SLC9C1: variants seen among roughly 807,000 people sequenced by gnomAD.
The protein encoded by SLC9C1 is sodium/hydrogen exchanger 10.
Under a neutral mutation model 140.9 loss-of-function variants are expected in SLC9C1, and 97 were observed. The observed-to-expected ratio is 0.69, with a 90% confidence interval of 0.58 to 0.82. The LOEUF is 0.82. Ranked by LOEUF, SLC9C1 falls within the 40% of genes least tolerant of loss-of-function variation. SLC9C1 has a pLI of 0.00. For synonymous variants in SLC9C1, 440 were observed against 442.6 expected, an observed-to-expected ratio of 0.99 and a Z score of 0.07; for missense variants, 1,340 against 1,389.3, an observed-to-expected ratio of 0.96 and a Z score of 0.56.
intron 28 of SLC9C1, among the ~76,000 whole-genome samples, chr3:112,142,271 CA>C (rs1405355022): frequency 6.6e-6 from 1 of 152,092 alleles, no homozygotes; most frequent in East Asian, 1.9e-4. Flanking sequence ...ATTAAAAAAG[CA>C]AATGTTAATA....
chr3:112,208,313 TC>T lies in SLC9C1; in HGVS notation c.1850del (p.Gly617AspfsTer4). On this transcript the variant is annotated frameshift_variant, in exon 16 of 29. Coordinates refer to ENST00000305815, the MANE Select transcript of SLC9C1 (RefSeq NM_183061.3). LOFTEE classifies it high-confidence loss of function. ...ATATATTCATTAATATCACAAGGTA[TC>T]CAACATGTTCAAATTCCTCAGTAAA... ...IVFTEEFEHV[G>X]YLVILMNIFP... The T allele has an allele frequency of 6.2e-7, 1 of 1,607,472 alleles. No homozygotes were observed. Among genetic ancestry groups the T allele is most frequent in the Non-Finnish European group, 8.5e-7 (1 of 1,176,430 alleles).
intron 20 of SLC9C1, among the ~76,000 whole-genome samples, chr3:112,196,335 A>G (rs1290609128): frequency 6.6e-6 from 1 of 152,010 alleles, no homozygotes; most frequent in South Asian, 2.1e-4. Context: ...TTTGTCTTTT[A>G]ACAGTTTGAT....
At chr3:112,242,144 ATAGAG>A (rs1379912095) in intron 11 of SLC9C1, among the ~76,000 whole-genome samples, 3 of 152,198 alleles carry the variant, frequency 2.0e-5, no homozygotes, top group Non-Finnish European at 4.4e-5. Flanking sequence ...GAAACTATTA[ATAGAG>A]TAAACAGACA....
intron 14 of SLC9C1, among the ~76,000 whole-genome samples, chr3:112,220,468 C>A (rs555446697): frequency 2.0e-5 from 3 of 152,244 alleles, no homozygotes; most frequent in African/African-American, 7.2e-5. Flanking sequence ...AAGCTTAGGA[C>A]AATTTAAGCA....
intron 20 of SLC9C1, chr3:112,186,085 A>C: frequency 1.0e-6 from 1 of 998,432 alleles, no homozygotes; most frequent in Non-Finnish European, 1.4e-6. Context: ...CCATTAAAAA[A>C]TGAACTTTCT....
chr3:112,152,667 T>C (rs762843317), intron 27 of SLC9C1, among the ~76,000 whole-genome samples: 1 of 152,138 alleles, frequency 6.6e-6, no homozygotes, highest in Non-Finnish European at 1.5e-5. Flanking sequence ...CCTTGGACAA[T>C]ACCCAGGCTT....
intron 10 of SLC9C1, among the ~76,000 whole-genome samples, chr3:112,251,324 C>G (rs2079450714): frequency 6.6e-6 from 1 of 152,040 alleles, no homozygotes. Context: ...GTGACTGATT[C>G]CGGGCACCCA....
Position 112,262,802 on chromosome 3 carries a change from T to A in SLC9C1, c.1197+122A>T, listed in dbSNP as rs190448890. The A allele has an allele frequency of 8.2e-4, 688 of 839,570 alleles. 6 individuals carry two copies. In the African/African-American group the frequency reaches 0.011, roughly 13 times the overall value. The allele number at this position is 839,570 out of a possible 1,614,324, so 52.0% of individuals were successfully genotyped here. On this transcript the variant is annotated intron_variant, in intron 10 of 28. Transcript: ENST00000305815. ...CCTCCTCTCCCCGATCTTGCCATCA[T>A]AGCTAAATCACTCCTACATCCCAAG...
At chr3:112,215,776 C>T (rs917929533) in intron 15 of SLC9C1, among the ~76,000 whole-genome samples, 2 of 152,192 alleles carry the variant, frequency 1.3e-5, no homozygotes, top group African/African-American at 4.8e-5. Flanking sequence ...AATGGTCATA[C>T]TGCCCAAGGT....
chr3:112,266,110 G>T, intron 8 of SLC9C1, 128 bp downstream of exon 8: 1 of 688,380 alleles, frequency 1.5e-6, no homozygotes, highest in Non-Finnish European at 2.4e-6. Flanking sequence ...TCTAGGAAAG[G>T]TTTTTAGTTG....
chr3:112,198,967 T>C (rs937824418), intron 20 of SLC9C1, among the ~76,000 whole-genome samples: 2 of 151,600 alleles, frequency 1.3e-5, no homozygotes, highest in Admixed American at 6.6e-5. Flanking sequence ...AATTGAGTGT[T>C]CTCATAAATC....
chr3:112,169,188 A>G lies in SLC9C1; in HGVS notation c.3051+9T>C, dbSNP rs766872135. ...GAAAGAAAGACAAGTTTATACAAGC[A>G]CTTCCTACCTCATAAGATAAGTGTT... On this transcript the variant is annotated intron_variant, in intron 24 of 28. Coordinates refer to ENST00000305815, the MANE Select transcript of SLC9C1 (RefSeq NM_183061.3). The G allele has an allele frequency of 6.2e-7, 1 of 1,605,972 alleles. No homozygotes were observed. Among genetic ancestry groups the G allele is most frequent in the South Asian group, 1.1e-5 (1 of 89,394 alleles).
chr3:112,278,855 G>T lies in SLC9C1; in HGVS notation c.192C>A (p.Val64=), dbSNP rs763613470. ...ATTGTATGGCGTTTGCGTATCTTTGGACCTAATATTATACAAATATATCAT... is the reference window on the plus strand; with the variant it reads ...ATTGTATGGCGTTTGCGTATCTTTGTACCTAATATTATACAAATATATCAT... ...FEVLSFTSSQ[V]QRYANAIQWM... is the part of the protein sequence containing the mutation. Residue 64 remains valine, a splice_region_variant and synonymous_variant, in exon 4 of 29, where the codon GTC becomes GTA. Coordinates refer to ENST00000305815, the MANE Select transcript of SLC9C1 (RefSeq NM_183061.3). The T allele has an allele frequency of 8.1e-6, 13 of 1,601,968 alleles. No individual in the cohort carries two copies. The highest frequency in any genetic ancestry group is 1.1e-5 in the South Asian group (1 of 88,656).
chr3:112,185,693 G>T, intron 20 of SLC9C1: 1 of 1,546,058 alleles, frequency 6.5e-7, no homozygotes, highest in Non-Finnish European at 8.7e-7. Context: ...GTGCACGCTC[G>T]TGCCACCACT....
intron 14 of SLC9C1, among the ~76,000 whole-genome samples, chr3:112,220,005 G>T (rs1299950723): frequency 1.3e-5 from 2 of 152,080 alleles, no homozygotes; most frequent in Non-Finnish European, 2.9e-5. Flanking sequence ...GTTTTGAATT[G>T]ATCACATTTG....
At chr3:112,159,805 A>G (rs1361676002) in intron 26 of SLC9C1, among the ~76,000 whole-genome samples, 1 of 145,358 alleles carries the variant, frequency 6.9e-6, no homozygotes, top group East Asian at 2.1e-4. Flanking sequence ...CTTTTTTATT[A>G]TATAATGACC....
chr3:112,194,629 T>C (rs1437471548), intron 20 of SLC9C1, among the ~76,000 whole-genome samples: 2 of 152,172 alleles, frequency 1.3e-5, no homozygotes, highest in African/African-American at 4.8e-5. Flanking sequence ...CACTTTCAAT[T>C]CTTTTGACTA....
At chr3:112,160,356 G>A (rs1230208998) in intron 26 of SLC9C1, among the ~76,000 whole-genome samples, 1 of 151,056 alleles carries the variant, frequency 6.6e-6, no homozygotes, top group African/African-American at 2.4e-5. Context: ...TGCCATGCTG[G>A]TGTGCTGCAC....
chr3:112,225,013 T>G (rs538648592), intron 13 of SLC9C1, among the ~76,000 whole-genome samples: 1 of 152,176 alleles, frequency 6.6e-6, no homozygotes, highest in East Asian at 1.9e-4. Context: ...TGAAAAGATA[T>G]AGACATCTAG....
Sources: gnomAD v4.1 joint callset for allele counts (sites outside exome capture counted in the v4.1 genomes callset) on GRCh38, gnomAD v4.1.1 for gene constraint, MANE v1.5 for transcripts, NCBI Gene and HGNC (gene_info 2026-07-23, HGNC 2026-07-21) for gene names.